Variants in SEMA3E observed in about 807,000 individuals in gnomAD.
The protein encoded by SEMA3E is semaphorin 3E, also known as semaphorin-3E.
Under a neutral mutation model 93.6 loss-of-function variants are expected in SEMA3E, and 49 were observed. The observed-to-expected ratio is 0.52, with a 90% CI of 0.42 to 0.66. The LOEUF is 0.66. Among genes scored for constraint, SEMA3E ranks in the 30% least tolerant of loss-of-function variants. SEMA3E has a pLI of 0.00. For missense variants in SEMA3E, 906 were observed against 964.8 expected, an observed-to-expected ratio of 0.94 and a Z score of 0.81; for synonymous variants, 363 against 330.7, an observed-to-expected ratio of 1.10 and a Z score of -1.06.
chr7:83,409,079 C>T lies in SEMA3E; in HGVS notation c.551-592G>A, dbSNP rs555090736. Among the ~76,000 whole-genome samples, 9 of 152,120 alleles carry T rather than the reference C, an allele frequency of 5.9e-5. No individual in the cohort carries two copies. The South Asian group carries it at 6.2e-4, about 11-fold the overall frequency. ...AGTCAGATAGGAAGGATATAAAAAGCGCTCAAAATTTAATCAGACAGTCAA... is the reference window on the plus strand; with the variant it reads ...AGTCAGATAGGAAGGATATAAAAAGTGCTCAAAATTTAATCAGACAGTCAA... On this transcript the variant is annotated intron_variant, in intron 5 of 16. Coordinates refer to ENST00000643230, the MANE Select transcript of SEMA3E (RefSeq NM_012431.3).
intron 1 of SEMA3E, among the ~76,000 whole-genome samples, chr7:83,573,208 A>G (rs1216189134): frequency 6.6e-6 from 1 of 152,168 alleles, no homozygotes; most frequent in African/African-American, 2.4e-5. Context: ...GCAAAAAACA[A>G]ATAATCCAAT....
At chr7:83,389,878 A>G (rs56155439) in intron 14 of SEMA3E, among the ~76,000 whole-genome samples, 3 of 107,460 alleles carry the variant, frequency 2.8e-5, no homozygotes, top group African/African-American at 9.9e-5. Flanking sequence ...ACATGTATAC[A>G]TATATACACG....
At chr7:83,631,964 T>C (rs1481254776) in intron 1 of SEMA3E, among the ~76,000 whole-genome samples, 1 of 152,092 alleles carries the variant, frequency 6.6e-6, no homozygotes, top group Non-Finnish European at 1.5e-5. Context: ...GAGACCAGCC[T>C]GAACAACATG....
chr7:83,389,699 CACACATAT>C (rs1787955942), intron 14 of SEMA3E, among the ~76,000 whole-genome samples: 1 of 148,720 alleles, frequency 6.7e-6, no homozygotes, highest in South Asian at 2.1e-4. Context: ...TGTATACATA[CACACATAT>C]ATACACGTAT....
chr7:83,579,348 CT>C (rs1292093039), intron 1 of SEMA3E, among the ~76,000 whole-genome samples: 2 of 151,914 alleles, frequency 1.3e-5, no homozygotes, highest in Non-Finnish European at 2.9e-5. Context: ...TTCAGGTATT[CT>C]TTTTTAAAAA....
At chr7:83,405,351 T>G in intron 9 of SEMA3E, 99 bp downstream of exon 9, 1 of 835,588 alleles carries the variant, frequency 1.2e-6, no homozygotes, top group Non-Finnish European at 2.0e-6. Flanking sequence ...GAAGAGCAAC[T>G]GGGTCAATAG....
intron 4 of SEMA3E, among the ~76,000 whole-genome samples, chr7:83,461,666 C>G (rs1789620171): frequency 3.3e-5 from 5 of 152,112 alleles, no homozygotes; most frequent in Admixed American, 3.3e-4. Context: ...CCTAAAAGGT[C>G]AAAAGGCCGT....
Position 83,648,698 on chromosome 7 carries a change from C to T in SEMA3E, c.-156G>A, listed in dbSNP as rs1333576633. 1 of 697,430 alleles carries T rather than the reference C, an allele frequency of 1.4e-6. No individual in the cohort carries two copies. The highest frequency in any genetic ancestry group is 1.8e-5 in the African/African-American group (1 of 56,702). 43.2% of individuals were successfully genotyped at this position (697,430 alleles called of 1,614,324 possible). A position where few individuals can be genotyped will look rare whatever the true frequency, so the allele number is the denominator to read the frequency against. On this transcript the variant is annotated 5_prime_UTR_variant, in exon 1 of 17. Coordinates refer to ENST00000643230, the MANE Select transcript of SEMA3E (RefSeq NM_012431.3). ...CAGTTCCGAAGTGCCATTTGTCAGG[C>T]TGTATTTGGCTATGTAAAACCTTTC...
Position 83,516,195 on chromosome 7 carries a change from G to A in SEMA3E, c.116-25921C>T, listed in dbSNP as rs920060157. 2.0e-5 allele frequency among the ~76,000 whole-genome samples: 3 copies of A among 152,142 alleles called. No individual in the cohort carries two copies. The South Asian group carries it at 6.2e-4, about 32-fold the overall frequency. On this transcript the variant is annotated intron_variant, in intron 1 of 16. Coordinates refer to ENST00000643230, the MANE Select transcript of SEMA3E (RefSeq NM_012431.3). ...TTAGTTTTATTCATTAATTTAATAT[G>A]TATTTTTATATACTGGACTAATTTC...
At chr7:83,408,559 T>C in intron 5 of SEMA3E, 72 bp from the exon 6 acceptor site, 1 of 1,436,232 alleles carries the variant, frequency 7.0e-7, no homozygotes, top group Non-Finnish European at 9.7e-7. Flanking sequence ...CATCCAAATT[T>C]AATATGTGTA....
At chr7:83,562,382 C>T (rs55657766) in intron 1 of SEMA3E, among the ~76,000 whole-genome samples, 15,023 of 152,052 alleles carry the variant, frequency 0.099, 979 homozygotes, top group East Asian at 0.2. Context: ...GCTCTGGCTC[C>T]TGCCAAGAGG....
intron 16 of SEMA3E, among the ~76,000 whole-genome samples, chr7:83,368,685 C>G (rs1299524494): frequency 6.6e-6 from 1 of 152,108 alleles, no homozygotes; most frequent in Non-Finnish European, 1.5e-5. Context: ...GACGGAATAG[C>G]AAATATTAAG....
At position 83,398,800 on chromosome 7, in the gene SEMA3E, C is replaced by T. The variant is rs113714245; in HGVS notation, c.1366+1228G>A. On this transcript the variant is annotated intron_variant, in intron 11 of 16. Coordinates refer to ENST00000643230, the MANE Select transcript of SEMA3E (RefSeq NM_012431.3). Reference sequence around the variant, plus strand: ...TCTCTACTAAAAATACAAAATTAGGCGGGCATGGTGGCACATGCCTGTAAT... The same window carrying T: ...TCTCTACTAAAAATACAAAATTAGGTGGGCATGGTGGCACATGCCTGTAAT... Among the ~76,000 whole-genome samples, 303 of 151,996 alleles carry T rather than the reference C, an allele frequency of 2.0e-3. 3 individuals are homozygous for T. Among genetic ancestry groups the T allele is most frequent in the African/African-American group, 6.7e-3 (277 of 41,484 alleles).
chr7:83,432,904 A>G (rs1346431024), intron 4 of SEMA3E, among the ~76,000 whole-genome samples: 1 of 152,174 alleles, frequency 6.6e-6, no homozygotes, highest in Non-Finnish European at 1.5e-5. Context: ...GAATGCATAA[A>G]TCTTATTGTA....
intron 10 of SEMA3E, among the ~76,000 whole-genome samples, chr7:83,402,141 G>GA (rs915666023): frequency 5.3e-5 from 8 of 151,972 alleles, no homozygotes; most frequent in African/African-American, 1.9e-4. Context: ...AGGAGATAGA[G>GA]AAAAAAACTT....
intron 1 of SEMA3E, among the ~76,000 whole-genome samples, chr7:83,621,624 G>T (rs1030529198): frequency 5.3e-5 from 8 of 152,126 alleles, no homozygotes; most frequent in African/African-American, 1.9e-4. Flanking sequence ...AAAACACCAT[G>T]GTACTGGTAC....
intron 1 of SEMA3E, among the ~76,000 whole-genome samples, chr7:83,504,771 T>G (rs1186392384): frequency 6.6e-6 from 1 of 152,154 alleles, no homozygotes; most frequent in Non-Finnish European, 1.5e-5. Context: ...CCATGTTTTC[T>G]CTGGAAGCTA....
At chr7:83,645,720 TCTC>T (rs1562868352) in intron 1 of SEMA3E, among the ~76,000 whole-genome samples, 22 of 15,086 alleles carry the variant, frequency 1.5e-3, no homozygotes, top group African/African-American at 7.8e-3. Context: ...CTTGTCTCCT[TCTC>T]TCTCTCTCTC....
At chr7:83,586,903 T>C (rs1023654693) in intron 1 of SEMA3E, among the ~76,000 whole-genome samples, 1 of 152,104 alleles carries the variant, frequency 6.6e-6, no homozygotes, top group South Asian at 2.1e-4. Context: ...AGACAGTAAA[T>C]GACAAGTACA....
Sources: allele counts gnomAD v4.1 joint callset (sites outside exome capture counted in the v4.1 genomes callset), GRCh38; gene constraint gnomAD v4.1.1; transcripts MANE v1.5; gene names NCBI Gene and HGNC (gene_info 2026-07-23, HGNC 2026-07-21).